The following MAST4 variants were observed in gnomAD, a reference collection of about 807,000 sequenced individuals.
The protein encoded by MAST4 is microtubule associated serine/threonine kinase family member 4, also known as microtubule-associated serine/threonine-protein kinase 4.
In MAST4, 89 loss-of-function variants were observed where a neutral mutation model predicts 162.7. The observed-to-expected ratio is 0.55, with a 90% CI of 0.46 to 0.65. The LOEUF is 0.65. Among genes scored for constraint, MAST4 ranks in the 30% least tolerant of loss-of-function variants. The probability of loss-of-function intolerance (pLI) is 0.00; values close to 1 mark genes in which losing one functional copy is unlikely to be tolerated. For synonymous variants in MAST4, 1,479 were observed against 1,361.1 expected (o/e 1.09, Z -1.91); for missense variants, 3,153 against 3,374.0 (o/e 0.93, Z 1.62).
intron 1 of MAST4, among the ~76,000 whole-genome samples, chr5:66,734,158 T>C (rs527730899): frequency 8.0e-4 from 122 of 152,346 alleles, no homozygotes; most frequent in Non-Finnish European, 1.6e-3. Context: ...TGTTACTCTG[T>C]GACCTTGTAT....
Position 67,101,192 on chromosome 5 carries a change from C to T in MAST4, c.1070+600C>T, listed in dbSNP as rs981535117. ...CAGCATGTTTCTTAGGGAGTGCTTT[C>T]GAAATTAGCACCTGTGGGAGGGAAG... On this transcript the variant is annotated intron_variant, in intron 8 of 28. Transcript: ENST00000403625. Among the ~76,000 whole-genome samples the T allele has an allele frequency of 3.9e-5, 6 of 152,242 alleles. No homozygotes were observed. In the East Asian group the frequency reaches 5.8e-4, roughly 15 times the overall value.
At chr5:67,110,863 A>C (rs1451613512) in intron 11 of MAST4, among the ~76,000 whole-genome samples, 1 of 152,102 alleles carries the variant, frequency 6.6e-6, no homozygotes, top group Non-Finnish European at 1.5e-5. Flanking sequence ...GTCTCTACTA[A>C]AAATACAAAA....
intron 2 of MAST4, among the ~76,000 whole-genome samples, chr5:66,785,280 T>A (rs1460040247): frequency 6.6e-6 from 1 of 152,226 alleles, no homozygotes; most frequent in Non-Finnish European, 1.5e-5. Context: ...CATTTGTGCC[T>A]GATGCCAAGC....
intron 2 of MAST4, among the ~76,000 whole-genome samples, chr5:66,768,604 A>G (rs1284200770): frequency 6.6e-6 from 1 of 152,160 alleles, no homozygotes; most frequent in Non-Finnish European, 1.5e-5. Context: ...GAACTGGAGG[A>G]CTGATTCATG....
intron 4 of MAST4, chr5:66,902,700 C>T (rs1471940806): frequency 2.1e-6 from 1 of 470,214 alleles, no homozygotes; most frequent in Non-Finnish European, 4.4e-6. Flanking sequence ...GTGAGAGAAA[C>T]TGCTTTCTAG....
rs1554093925 is a variant in MAST4, at chr5:67,078,921, T to TATATATA, written c.764-11240_764-11234dup. Among the ~76,000 whole-genome samples, 98 of 73,278 alleles carry TATATATA rather than the reference T, an allele frequency of 1.3e-3. 3 individuals carry two copies. The highest frequency in any genetic ancestry group is 1.6e-3 in the Non-Finnish European group (69 of 43,366). The allele number at this position is 73,278 out of a possible 152,430, so 48.1% of individuals were successfully genotyped here. ...ATATATTTTTATATAAATATATATA[T>TATATATA]ATATATATATATATATATATATATA... On this transcript the variant is annotated intron_variant, in intron 5 of 28. Coordinates refer to ENST00000403625, the MANE Select transcript of MAST4 (RefSeq NM_001164664.2).
intron 3 of MAST4, among the ~76,000 whole-genome samples, chr5:66,887,010 A>G (rs1168005613): frequency 6.6e-6 from 1 of 152,284 alleles, no homozygotes; most frequent in East Asian, 1.9e-4. Context: ...GGAAGAAGCA[A>G]TTAAAACCCC....
At chr5:66,844,242 T>C (rs949834091) in intron 3 of MAST4, among the ~76,000 whole-genome samples, 1 of 147,340 alleles carries the variant, frequency 6.8e-6, no homozygotes, top group African/African-American at 2.5e-5. Flanking sequence ...CTATCCACAA[T>C]TCCCCTTACC....
intron 3 of MAST4, among the ~76,000 whole-genome samples, chr5:66,861,320 G>A (rs1727701533): frequency 6.6e-6 from 1 of 152,222 alleles, no homozygotes; most frequent in Non-Finnish European, 1.5e-5. Flanking sequence ...ATACAAATCA[G>A]CAGGTGCTGA....
intron 3 of MAST4, among the ~76,000 whole-genome samples, chr5:66,821,433 C>T (rs912621228): frequency 5.9e-5 from 9 of 152,066 alleles, no homozygotes; most frequent in African/African-American, 2.2e-4. Flanking sequence ...TGTAATATCT[C>T]CTGGTACTTT....
intron 3 of MAST4, among the ~76,000 whole-genome samples, chr5:66,884,140 C>G (rs572329102): frequency 6.6e-6 from 1 of 152,184 alleles, no homozygotes; most frequent in Non-Finnish European, 1.5e-5. Flanking sequence ...AAAGTGTATT[C>G]TTTCAGAAGC....
intron 3 of MAST4, among the ~76,000 whole-genome samples, chr5:66,815,862 G>A (rs1050325481): frequency 1.3e-5 from 2 of 152,206 alleles, no homozygotes; most frequent in Admixed American, 1.3e-4. Context: ...CCAGAGGAGA[G>A]TGGTGACAGG....
chr5:66,803,275 C>G (rs1488228486), intron 3 of MAST4, among the ~76,000 whole-genome samples: 2 of 152,202 alleles, frequency 1.3e-5, no homozygotes, highest in Non-Finnish European at 2.9e-5. Flanking sequence ...CAATGTCACA[C>G]TTCATTAATT....
chr5:67,091,757 T>A (rs1276700311), intron 6 of MAST4, among the ~76,000 whole-genome samples: 1 of 152,090 alleles, frequency 6.6e-6, no homozygotes, highest in Non-Finnish European at 1.5e-5. Flanking sequence ...ATTAAATAGG[T>A]GACTCAAGGA....
chr5:66,839,672 A>C (rs552698589), intron 3 of MAST4, among the ~76,000 whole-genome samples: 8 of 152,294 alleles, frequency 5.3e-5, no homozygotes, highest in African/African-American at 1.9e-4. Context: ...GGCAGAATGA[A>C]ACATCTCAAA....
At chr5:67,143,971 T>C (rs1232395693) in intron 21 of MAST4, among the ~76,000 whole-genome samples, 1 of 151,782 alleles carries the variant, frequency 6.6e-6, no homozygotes, top group East Asian at 1.9e-4. Flanking sequence ...GAGCGCTTCC[T>C]GCCCTAGGCT....
At chr5:66,650,037 C>G (rs139929324) in intron 1 of MAST4, among the ~76,000 whole-genome samples, 209 of 152,154 alleles carry the variant, frequency 1.4e-3, no homozygotes, top group African/African-American at 5.0e-3. Context: ...ATTGACCATG[C>G]TCCAACTTGG....
At chr5:66,659,111 T>C (rs1339714118) in intron 1 of MAST4, among the ~76,000 whole-genome samples, 3 of 152,130 alleles carry the variant, frequency 2.0e-5, no homozygotes, top group Non-Finnish European at 2.9e-5. Flanking sequence ...GGATGGCATG[T>C]TGATGGTGGC....
intron 1 of MAST4, among the ~76,000 whole-genome samples, chr5:66,612,148 G>T (rs1037007812): frequency 1.3e-5 from 2 of 152,210 alleles, no homozygotes; most frequent in Non-Finnish European, 1.5e-5. Flanking sequence ...AGTGTTTAAA[G>T]TACTGGGGAG....
Sources: allele counts gnomAD v4.1 joint callset (sites outside exome capture counted in the v4.1 genomes callset), GRCh38; gene constraint gnomAD v4.1.1; transcripts MANE v1.5; gene names NCBI Gene and HGNC (gene_info 2026-07-23, HGNC 2026-07-21).